Variants in CHST9 observed in about 807,000 individuals in gnomAD.
CHST9 encodes the protein GalNAc-4-sulfotransferase 2.
Under a neutral mutation model 44.4 loss-of-function variants are expected in CHST9, and 41 were observed. The observed-to-expected ratio is 0.92, with a 90% CI of 0.72 to 1.20. The LOEUF is 1.20. Ranked by LOEUF, CHST9 falls within the 50% of genes most tolerant of loss-of-function variation. CHST9 has a pLI of 0.00. For synonymous variants in CHST9, 171 were observed against 178.4 expected (o/e 0.96, Z 0.33); for missense variants, 504 against 516.5 (o/e 0.98, Z 0.23).
At chr18:26,981,332 C>T (rs191443392) in intron 4 of CHST9, among the ~76,000 whole-genome samples, 1 of 152,164 alleles carries the variant, frequency 6.6e-6, no homozygotes, top group South Asian at 2.1e-4. Flanking sequence ...AGACATGATG[C>T]TTACTCTTCA....
rs571062447 is a variant in CHST9, at chr18:27,049,239, C to T, written c.122-736G>A. On this transcript the variant is annotated intron_variant, in intron 2 of 5. Transcript: ENST00000618847. ...TGGATGCAAGAGACCGGGGGGAGGC[C>T]GAAATAATAGGGCCCAGTGATTTAT... Among the ~76,000 whole-genome samples the T allele has an allele frequency of 4.0e-5, 6 of 151,598 alleles. No homozygotes were observed. The South Asian group carries it at 1.0e-3, about 26-fold the overall frequency.
chr18:27,044,748 C>A (rs1313002033), intron 3 of CHST9, among the ~76,000 whole-genome samples: 1 of 151,792 alleles, frequency 6.6e-6, no homozygotes, highest in Non-Finnish European at 1.5e-5. Flanking sequence ...AAAAATCATG[C>A]TAAATGTGCT....
chr18:27,121,245 T>C (rs781041718), intron 2 of CHST9, among the ~76,000 whole-genome samples: 1 of 152,164 alleles, frequency 6.6e-6, no homozygotes, highest in Non-Finnish European at 1.5e-5. Context: ...GCTTAAGTGA[T>C]CCTCTTGCCT....
At chr18:27,109,445 G>A (rs531850164) in intron 2 of CHST9, among the ~76,000 whole-genome samples, 5 of 152,254 alleles carry the variant, frequency 3.3e-5, no homozygotes, top group South Asian at 2.1e-4. Flanking sequence ...GGATTTATGC[G>A]GCAAAATACT....
chr18:27,060,158 T>A (rs1291069051), intron 2 of CHST9, among the ~76,000 whole-genome samples: 1 of 152,204 alleles, frequency 6.6e-6, no homozygotes, highest in Non-Finnish European at 1.5e-5. Flanking sequence ...AGGTACTTAA[T>A]GTCTGCAACG....
chr18:26,959,376 T>C (rs968722971), intron 4 of CHST9, among the ~76,000 whole-genome samples: 12 of 152,196 alleles, frequency 7.9e-5, no homozygotes, highest in Admixed American at 6.5e-4. Context: ...CTGTGCTCAG[T>C]ATCTGGGTGA....
intron 4 of CHST9, among the ~76,000 whole-genome samples, chr18:26,957,568 A>C (rs2056342324): frequency 7.8e-6 from 1 of 128,742 alleles, no homozygotes. Flanking sequence ...CTACACTGCA[A>C]AAAAAAAAAA....
chr18:27,136,294 T>C (rs2058512682), intron 2 of CHST9, among the ~76,000 whole-genome samples: 1 of 152,082 alleles, frequency 6.6e-6, no homozygotes, highest in African/African-American at 2.4e-5. Flanking sequence ...CCAGGAAAGG[T>C]TGCACAACCA....
chr18:26,952,156 C>T, intron 4 of CHST9: 3 of 509,922 alleles, frequency 5.9e-6, no homozygotes, highest in Admixed American at 4.1e-5. Context: ...GAAGCTTCCA[C>T]ATCATAGCAG....
chr18:26,916,562 T>G lies in CHST9; in HGVS notation c.1029A>C (p.Pro343=). 6.2e-7 allele frequency: 1 copy of G among 1,613,850 alleles called. No individual in the cohort carries two copies. The highest frequency in any genetic ancestry group is 8.5e-7 in the Non-Finnish European group (1 of 1,179,726). The part of the protein sequence containing the change: ...FIHYLLDSHR[P]VGMDIHWEKV... ...TTTCCCAGTGAATGTCCATTCCTAC[T>G]GGACGGTGGGAATCCAGCAAGTAGT... Residue 343 remains proline (P), a synonymous_variant, in exon 6 of 6, where the codon CCA becomes CCC. Transcript: ENST00000618847.
intron 4 of CHST9, among the ~76,000 whole-genome samples, chr18:26,999,893 G>A (rs570872417): frequency 2.6e-5 from 4 of 152,288 alleles, no homozygotes; most frequent in South Asian, 2.1e-4. Flanking sequence ...GTACTTAGAC[G>A]TTAAGTGGGA....
chr18:26,969,902 T>A lies in CHST9; in HGVS notation c.203-25536A>T, dbSNP rs2056519981. Among the ~76,000 whole-genome samples, 6 of 152,150 alleles carry A rather than the reference T, an allele frequency of 3.9e-5. No homozygotes were observed. The South Asian group carries it at 1.2e-3, about 31-fold the overall frequency. On this transcript the variant is annotated intron_variant, in intron 4 of 5. Coordinates refer to ENST00000618847, the MANE Select transcript of CHST9 (RefSeq NM_031422.6). Reference sequence around the variant, plus strand: ...TTTGTTATATTTCCCTTAAAATCTGTTCCCCTCTGATCTTCACCATTTTGG... The same window carrying A: ...TTTGTTATATTTCCCTTAAAATCTGATCCCCTCTGATCTTCACCATTTTGG...
chr18:27,038,512 T>G (rs2057412903), intron 3 of CHST9, among the ~76,000 whole-genome samples: 1 of 152,032 alleles, frequency 6.6e-6, no homozygotes, highest in Non-Finnish European at 1.5e-5. Flanking sequence ...TGCTCCAGTC[T>G]GGGTGATAGA....
intron 2 of CHST9, among the ~76,000 whole-genome samples, chr18:27,133,885 C>T (rs558729314): frequency 3.4e-4 from 52 of 152,190 alleles, no homozygotes; most frequent in South Asian, 2.5e-3. Context: ...CGAGGTGTGG[C>T]GCTGTCCAGA....
At chr18:26,937,119 G>T (rs2145101023) in intron 5 of CHST9, among the ~76,000 whole-genome samples, 1 of 152,206 alleles carries the variant, frequency 6.6e-6, no homozygotes, top group Middle Eastern at 3.4e-3. Context: ...CCTGGGCTCT[G>T]CCAAGGAAAA....
intron 4 of CHST9, among the ~76,000 whole-genome samples, chr18:27,021,093 C>T (rs994732792): frequency 5.9e-5 from 9 of 152,030 alleles, no homozygotes; most frequent in Non-Finnish European, 1.5e-5. Flanking sequence ...TTTTTACTAC[C>T]TTATGTGCTA....
intron 2 of CHST9, among the ~76,000 whole-genome samples, chr18:27,086,824 G>T (rs1323510379): frequency 6.6e-6 from 1 of 152,138 alleles, no homozygotes; most frequent in Non-Finnish European, 1.5e-5. Flanking sequence ...AATCAGAGAA[G>T]ATTCTAACCT....
chr18:27,155,344 C>T (rs1484625067), intron 1 of CHST9, among the ~76,000 whole-genome samples: 1 of 152,082 alleles, frequency 6.6e-6, no homozygotes, highest in Non-Finnish European at 1.5e-5. Context: ...ACTGTTACTT[C>T]AAAAGACAGT....
chr18:26,993,179 T>C (rs929350383), intron 4 of CHST9, among the ~76,000 whole-genome samples: 1 of 152,186 alleles, frequency 6.6e-6, no homozygotes, highest in African/African-American at 2.4e-5. Context: ...TCTCAGACTA[T>C]CCACACAGAG....
Sources: gnomAD v4.1 joint callset for allele counts (sites outside exome capture counted in the v4.1 genomes callset) on GRCh38, gnomAD v4.1.1 for gene constraint, MANE v1.5 for transcripts, NCBI Gene and HGNC (gene_info 2026-07-23, HGNC 2026-07-21) for gene names.